Variants in CRHR1 observed in about 807,000 individuals in gnomAD.
The protein encoded by CRHR1 is corticotropin releasing hormone receptor 1.
CRHR1 carries 28 observed loss-of-function variants against 56.0 expected under a neutral mutation model. The ratio of observed to expected loss-of-function variants is 0.50; its 90% CI spans 0.37 to 0.69. The LOEUF is 0.69. Among genes scored for constraint, CRHR1 ranks in the 30% least tolerant of loss-of-function variants. The pLI, the probability that CRHR1 is intolerant of heterozygous loss-of-function variation, is 0.00. For synonymous variants in CRHR1, 195 were observed against 216.5 expected (o/e 0.90, Z 0.87); for missense variants, 376 against 548.0 (o/e 0.69, Z 3.13).
intron 4 of CRHR1, chr17:45,827,505 C>T (rs2062191213): frequency 6.6e-6 from 1 of 152,266 alleles, no homozygotes; most frequent in South Asian, 2.1e-4. Flanking sequence ...ATTGGGGCAT[C>T]TGCCGCCAGG....
rs2062040084 is a variant in CRHR1 at position 45,821,457 on chromosome 17, C to A, written c.327+17C>A. ...AATGAGGAGGTGAGGCTGAGCCGAA[C>A]AAGGCTGCCCATATGGAGGGGAGTC... On this transcript the variant is annotated intron_variant, in intron 4 of 12. Coordinates refer to ENST00000314537, the MANE Select transcript of CRHR1 (RefSeq NM_004382.5). 6.2e-7 allele frequency: 1 copy of A among 1,608,872 alleles called. No individual in the cohort carries two copies. Among genetic ancestry groups the A allele is most frequent in the Non-Finnish European group, 8.5e-7 (1 of 1,178,808 alleles).
At chr17:45,822,230 C>T (rs1341927719) in intron 4 of CRHR1, among the ~76,000 whole-genome samples, 3 of 152,204 alleles carry the variant, frequency 2.0e-5, no homozygotes, top group Non-Finnish European at 4.4e-5. Flanking sequence ...CATAATATCA[C>T]AAAATGTACC....
intron 2 of CRHR1, among the ~76,000 whole-genome samples, chr17:45,813,315 C>T (rs1568049966): frequency 6.6e-6 from 1 of 152,142 alleles, no homozygotes; most frequent in Admixed American, 6.5e-5. Context: ...CCCAACCCCC[C>T]CACCCCAAGC....
At chr17:45,796,644 C>T (rs577650149) in intron 1 of CRHR1, among the ~76,000 whole-genome samples, 11 of 152,180 alleles carry the variant, frequency 7.2e-5, no homozygotes, top group Non-Finnish European at 1.6e-4. Flanking sequence ...GCACCAGTCT[C>T]TCGTTTGAAC....
chr17:45,798,528 GAAAAAAA>G (rs77104565), intron 1 of CRHR1, among the ~76,000 whole-genome samples: 1 of 113,620 alleles, frequency 8.8e-6, no homozygotes, highest in Non-Finnish European at 1.8e-5. Context: ...TCCGTCTCGG[GAAAAAAA>G]AAAAAAAAAA....
chr17:45,830,799 G>A, intron 7 of CRHR1, 81 bp from the exon 8 acceptor site: 11 of 1,446,266 alleles, frequency 7.6e-6, no homozygotes, highest in Non-Finnish European at 1.0e-5. Context: ...ACCCCCTGGA[G>A]CCTGGGCTGC....
chr17:45,815,999 G>A (rs981104087), intron 2 of CRHR1, among the ~76,000 whole-genome samples: 4 of 152,202 alleles, frequency 2.6e-5, no homozygotes, highest in African/African-American at 9.7e-5. Context: ...GCAGGGCCAG[G>A]GTAGATGTGG....
intron 1 of CRHR1, among the ~76,000 whole-genome samples, chr17:45,791,751 A>C (rs1382745037): frequency 6.6e-6 from 1 of 151,184 alleles, no homozygotes; most frequent in Non-Finnish European, 1.5e-5. Context: ...TCCTCCCCAG[A>C]AGCAGGGTGC....
At chr17:45,833,693 T>TCGCCC in intron 10 of CRHR1, 21 bp from the exon 11 acceptor site, 1 of 1,571,616 alleles carries the variant, frequency 6.4e-7, no homozygotes, top group Non-Finnish European at 8.7e-7. Context: ...ACTCCGAGCC[T>TCGCCC]CCCCACCCGC....
chr17:45,789,546 T>C (rs2061391282), intron 1 of CRHR1, among the ~76,000 whole-genome samples: 1 of 152,146 alleles, frequency 6.6e-6, no homozygotes, highest in Non-Finnish European at 1.5e-5. Flanking sequence ...TAATTTTAAA[T>C]TTTTTTGTAG....
intron 2 of CRHR1, 93 bp downstream of exon 2, chr17:45,807,190 T>C: frequency 8.6e-7 from 1 of 1,164,400 alleles, no homozygotes; most frequent in Non-Finnish European, 1.3e-6. Context: ...AACCATGCCC[T>C]AAGGCAGGAT....
At chr17:45,820,745 C>T (rs1032226490) in intron 3 of CRHR1, among the ~76,000 whole-genome samples, 5 of 152,160 alleles carry the variant, frequency 3.3e-5, no homozygotes, top group African/African-American at 9.7e-5. Context: ...AACACAGGCC[C>T]GCTATGGGGA....
Position 45,807,034 on chromosome 17 carries a change from C to G in CRHR1, c.58C>G (p.Pro20Ala), listed in dbSNP as rs745351116. The change falls in exon 2 of 13, where the codon CCC becomes GCC. Residue 20 changes from proline to alanine, a missense_variant. Around this residue, in one of 2 missense-constraint regions of CRHR1, gnomAD observed 369 missense variants for 519.5 expected, o/e 0.71. Coordinates refer to ENST00000314537, the MANE Select transcript of CRHR1 (RefSeq NM_004382.5). ...GGCCCTTCTCCTTCTGGGGCTGAAC[C>G]CCGTCTCTGCCTCCCTCCAGGACCA... ...VKALLLLGLN[P>A]VSASLQDQHC... 1 of 1,614,034 alleles carries G rather than the reference C, an allele frequency of 6.2e-7. No homozygotes were observed. The highest frequency in any genetic ancestry group is 8.5e-7 in the Non-Finnish European group (1 of 1,179,992).
At chr17:45,833,946 C>T (rs1012921540) in intron 11 of CRHR1, 61 bp from the exon 12 acceptor site, 3 of 1,613,138 alleles carry the variant, frequency 1.9e-6, no homozygotes, top group Non-Finnish European at 2.5e-6. Flanking sequence ...CAAGGGGCAG[C>T]CCAGAGGCTG....
chr17:45,808,475 C>A (rs1359806065), intron 2 of CRHR1, among the ~76,000 whole-genome samples: 2 of 152,174 alleles, frequency 1.3e-5, no homozygotes, highest in African/African-American at 4.8e-5. Context: ...GATGAGCATA[C>A]CCTCAACCCC....
At chr17:45,819,880 A>G (rs78587102) in intron 3 of CRHR1, among the ~76,000 whole-genome samples, 21,835 of 152,306 alleles carry the variant, frequency 0.14, 2,144 homozygotes, top group Middle Eastern at 0.22. Flanking sequence ...CCTGGAGGCC[A>G]GGACGGGCTC....
chr17:45,812,308 T>C (rs1025248276), intron 2 of CRHR1, among the ~76,000 whole-genome samples: 2 of 152,264 alleles, frequency 1.3e-5, no homozygotes, highest in Non-Finnish European at 2.9e-5. Context: ...TCACTATTCC[T>C]TAATTTACCA....
At chr17:45,805,886 C>T (rs1393743667) in intron 1 of CRHR1, among the ~76,000 whole-genome samples, 1 of 152,216 alleles carries the variant, frequency 6.6e-6, no homozygotes, top group African/African-American at 2.4e-5. Context: ...TTCTTGAGTG[C>T]CTATTGTATA....
intron 3 of CRHR1, among the ~76,000 whole-genome samples, chr17:45,819,252 C>A (rs1598430946): frequency 6.6e-6 from 1 of 152,188 alleles, no homozygotes. Context: ...TAAAAATATT[C>A]AACTCTTGAT....
Sources: gnomAD v4.1 joint callset for allele counts (sites outside exome capture counted in the v4.1 genomes callset) on GRCh38, gnomAD v4.1.1 for gene constraint, gnomAD v4.1.1 regional missense constraint, MANE v1.5 for transcripts, NCBI Gene and HGNC (gene_info 2026-07-23, HGNC 2026-07-21) for gene names.